The following RIOX2 variants were observed in gnomAD, a reference collection of about 807,000 sequenced individuals.
The protein encoded by RIOX2 is ribosomal oxygenase 2, also known as 60S ribosomal protein L27a histidine hydroxylase.
Under a neutral mutation model 51.2 loss-of-function variants are expected in RIOX2, and 43 were observed. The ratio of observed to expected loss-of-function variants is 0.84; its 90% CI spans 0.66 to 1.08. The LOEUF is 1.08. RIOX2 is among the 50% of genes least tolerant of loss of function. The pLI is 0.00. For missense variants in RIOX2, 566 were observed against 561.7 expected, an observed-to-expected ratio of 1.01 and a Z score of -0.08; for synonymous variants, 226 against 218.5, an observed-to-expected ratio of 1.03 and a Z score of -0.30.
chr3:97,969,683 T>G (rs765718844), intron 1 of RIOX2, among the ~76,000 whole-genome samples: 1 of 152,238 alleles, frequency 6.6e-6, no homozygotes, highest in Non-Finnish European at 1.5e-5. Context: ...CCCTGGGCAC[T>G]GAGTCTCTAA....
At chr3:97,950,661 C>G in intron 6 of RIOX2, 125 bp downstream of exon 6, 1 of 704,134 alleles carries the variant, frequency 1.4e-6, no homozygotes, top group South Asian at 1.7e-5. Context: ...CACAGCTCAG[C>G]AGTGCAGCAC....
At chr3:97,965,512 A>C (rs1705856479) in intron 2 of RIOX2, among the ~76,000 whole-genome samples, 1 of 136,574 alleles carries the variant, frequency 7.3e-6, no homozygotes, top group Admixed American at 7.1e-5. Flanking sequence ...ACTCTGTCTC[A>C]AAAAAAAAAA....
rs1705935323 is a variant in RIOX2, at chr3:97,967,429, G to C, written c.165C>G (p.Phe55Leu). ...LISPIKTETF[F>L]KEFWEQKPLL... The stretch of plus-strand genomic sequence containing the variant: ...GGGGCTTCTGCTCCCAGAATTCCTT[G>C]AAAAAAGTCTCTGTCTTGATGGGCG... Residue 55 changes from phenylalanine to leucine, a missense_variant, in exon 2 of 10, where the codon TTC (phenylalanine) becomes TTG (leucine). Transcript: ENST00000394198. 6.2e-7 allele frequency: 1 copy of C among 1,613,870 alleles called. No individual in the cohort carries two copies. The highest frequency in any genetic ancestry group is 8.5e-7 in the Non-Finnish European group (1 of 1,179,958).
intron 4 of RIOX2, among the ~76,000 whole-genome samples, chr3:97,955,960 A>G (rs1450045989): frequency 1.3e-5 from 2 of 151,960 alleles, no homozygotes; most frequent in Non-Finnish European, 2.9e-5. Context: ...AGTATAAACA[A>G]TAATAAATGG....
In RIOX2 at chr3:97,967,547, G is replaced by A. The variant is rs552425813; in HGVS notation, c.47C>T (p.Pro16Leu). The A allele has an allele frequency of 5.3e-5, 86 of 1,611,490 alleles. No homozygotes were observed. Among genetic ancestry groups the A allele is most frequent in the Admixed American group, 2.9e-4 (17 of 59,638 alleles). Residue 16 changes from proline to leucine, a missense_variant, in exon 2 of 10, where the codon CCG becomes CTG. Pro to Leu is a moderately conservative substitution (Grantham distance 98, BLOSUM62 -3). Coordinates refer to ENST00000394198, the MANE Select transcript of RIOX2 (RefSeq NM_153182.4). ...TAACTTCATCTGCTTACAGGGAGCC[G>A]GCCCCTCTTCCTTCCCACTCCCTGT... is the stretch of plus-strand genomic sequence containing the variant. ...KPTGSGKEEG[P>L]APCKQMKLEA...
chr3:97,967,243 G>C lies in RIOX2; in HGVS notation c.351C>G (p.Gly117=). Residue 117 remains glycine, a synonymous_variant, in exon 2 of 10, where the codon GGC becomes GGG. Coordinates refer to ENST00000394198, the MANE Select transcript of RIOX2 (RefSeq NM_153182.4). ...TTCTCAGCTGAAGAAAGTGTGCTTT[G>C]CCATCTTTATTTAAAACCTTCTTCT... The part of the protein sequence containing the change: ...NGKKKVLNKD[G]KAHFLQLRKD... 1.2e-6 allele frequency: 2 copies of C among 1,614,114 alleles called. No homozygotes were observed. The highest frequency in any genetic ancestry group is 1.7e-6 in the Non-Finnish European group (2 of 1,180,038).
chr3:97,954,498 A>G lies in RIOX2; in HGVS notation c.682-3T>C. 1 of 1,612,654 alleles carries G rather than the reference A, an allele frequency of 6.2e-7. No individual in the cohort carries two copies. Among genetic ancestry groups the G allele is most frequent in the Non-Finnish European group, 8.5e-7 (1 of 1,178,804 alleles). ...GGAAAGTACAACAAATCACCCGGCTAAAGGAAGGAATAGGAAAGGGTAGAG... is the reference window on the plus strand; with the variant it reads ...GGAAAGTACAACAAATCACCCGGCTGAAGGAAGGAATAGGAAAGGGTAGAG... On this transcript the variant is annotated splice_region_variant and splice_polypyrimidine_tract_variant and intron_variant, in intron 4 of 9. Transcript: ENST00000394198.
Position 97,967,187 on chromosome 3 carries a change from T to G in RIOX2, c.407A>C (p.Gln136Pro), listed in dbSNP as rs1705921045. 6.2e-7 allele frequency: 1 copy of G among 1,613,930 alleles called. No homozygotes were observed. Among genetic ancestry groups the G allele is most frequent in the Non-Finnish European group, 8.5e-7 (1 of 1,179,934 alleles). ...CTTAAATCTCTGAGGTTGGTGAAAC[T>G]GAATCGTTGCCCTTTTCTGATCAAA... The part of the protein sequence containing the change: ...KDFDQKRATI[Q>P]FHQPQRFKDE... Residue 136 changes from glutamine (Q) to proline (P), a missense_variant, in exon 2 of 10, where the codon CAG becomes CCG. Transcript: ENST00000394198.
intron 9 of RIOX2, chr3:97,945,564 A>G: frequency 1.6e-6 from 1 of 609,342 alleles, no homozygotes. Flanking sequence ...GTTTTACATT[A>G]TACCATTCCT....
intron 2 of RIOX2, among the ~76,000 whole-genome samples, chr3:97,962,207 G>A (rs913380223): frequency 2.0e-5 from 3 of 152,116 alleles, no homozygotes; most frequent in Non-Finnish European, 4.4e-5. Flanking sequence ...ATGTAAAGGA[G>A]CGGAGTTAAA....
At position 97,949,916 on chromosome 3, in the gene RIOX2, T is replaced by C. The variant is rs768701084; in HGVS notation, c.988A>G (p.Met330Val). The part of the protein sequence containing the change: ...EGTKELLSSD[M>V]KKDFIMHRLP... ...CTGTGCATAATAAAATCCTTCTTCA[T>C]GTCTGAGGAAAGCAGTTCTTTGGTG... Residue 330 changes from methionine (M) to valine (V), a missense_variant, in exon 7 of 10, where the codon ATG becomes GTG. By Grantham distance (21) the Met-to-Val change is conservative. Transcript: ENST00000394198. 157 of 1,613,808 alleles carry C rather than the reference T, an allele frequency of 9.7e-5. No individual in the cohort carries two copies. Among genetic ancestry groups the C allele is most frequent in the Non-Finnish European group, 1.2e-4 (142 of 1,179,950 alleles).
rs149644546 is a variant in RIOX2, at chr3:97,949,873, G to A, written c.1031C>T (p.Ala344Val). Residue 344 changes from alanine to valine, a missense_variant, in exon 7 of 10, where the codon GCG becomes GTG. Coordinates refer to ENST00000394198, the MANE Select transcript of RIOX2 (RefSeq NM_153182.4). ...FIMHRLPPYSAGDGAELSTPG... is the reference protein window; with the variant it reads ...FIMHRLPPYSVGDGAELSTPG... ...TGTTGACAGCTCTGCCCCATCTCCC[G>A]CAGAGTAAGGGGGGAGTCTGTGCAT... 1.4e-5 allele frequency: 23 copies of A among 1,613,340 alleles called. No individual in the cohort carries two copies. Among genetic ancestry groups the A allele is most frequent in the South Asian group, 4.4e-5 (4 of 91,032 alleles).
At chr3:97,964,696 T>TAAAA (rs1159985029) in intron 2 of RIOX2, among the ~76,000 whole-genome samples, 6 of 60,162 alleles carry the variant, frequency 1.0e-4, no homozygotes, top group Non-Finnish European at 1.3e-4. Context: ...GACTCTGTCT[T>TAAAA]AAAAAAAAAA....
chr3:97,952,139 C>T, intron 5 of RIOX2: 1 of 1,277,716 alleles, frequency 7.8e-7, no homozygotes, highest in Non-Finnish European at 1.0e-6. Context: ...AGGAAGAGGC[C>T]CCAAATATTC....
At chr3:97,952,359 A>G (rs1414193874) in intron 5 of RIOX2, 1 of 592,692 alleles carries the variant, frequency 1.7e-6, no homozygotes, top group African/African-American at 1.9e-5. Flanking sequence ...TCCCAGCCCC[A>G]GCTGAAAAGA....
At position 97,942,445 on chromosome 3, in the gene RIOX2, T is replaced by C; in HGVS notation, c.*2739A>G. The C allele has an allele frequency of 6.2e-7, 1 of 1,607,392 alleles. No homozygotes were observed. The highest frequency in any genetic ancestry group is 8.5e-7 in the Non-Finnish European group (1 of 1,176,172). ...ATCAACTTGTCCTTGATGTTAAAGG[T>C]GGGCCTTTGATGATACCCAATGTTG... is the stretch of plus-strand genomic sequence containing the variant. On this transcript the variant is annotated 3_prime_UTR_variant, in exon 10 of 10. Transcript: ENST00000394198.
intron 2 of RIOX2, 141 bp downstream of exon 2, chr3:97,967,021 T>C: frequency 3.6e-6 from 3 of 841,898 alleles, no homozygotes; most frequent in Non-Finnish European, 5.7e-6. Flanking sequence ...AGAATGCATT[T>C]AGACCAAAGA....
At position 97,961,702 on chromosome 3, in the gene RIOX2, G is replaced by T. The variant is rs1559762711; in HGVS notation, c.439C>A (p.Leu147Ile). ...FHQPQRFKDELWRIQEKLECY... is the reference protein window; with the variant it reads ...FHQPQRFKDEIWRIQEKLECY... ...TCCAGCTTCTCCTGGATCCTCCAAAGCTCATCCTTTACAAAAAAGGAAAAA... is the reference window on the plus strand; with the variant it reads ...TCCAGCTTCTCCTGGATCCTCCAAATCTCATCCTTTACAAAAAAGGAAAAA... The change falls in exon 3 of 10, where the codon CTT becomes ATT. Residue 147 changes from leucine (L) to isoleucine (I), a missense_variant. Coordinates refer to ENST00000394198, the MANE Select transcript of RIOX2 (RefSeq NM_153182.4). 6.3e-7 allele frequency: 1 copy of T among 1,588,258 alleles called. No homozygotes were observed. The highest frequency in any genetic ancestry group is 8.5e-7 in the Non-Finnish European group (1 of 1,173,372).
At chr3:97,950,051 A>G in intron 6 of RIOX2, 36 bp from the exon 7 acceptor site, 9 of 1,610,558 alleles carry the variant, frequency 5.6e-6, no homozygotes, top group Non-Finnish European at 7.6e-6. Context: ...CCCAGATGCC[A>G]GCAGAACTTA....
Sources: allele counts gnomAD v4.1 joint callset (sites outside exome capture counted in the v4.1 genomes callset), GRCh38; gene constraint gnomAD v4.1.1; transcripts MANE v1.5; gene names NCBI Gene and HGNC (gene_info 2026-07-23, HGNC 2026-07-21).